Variants in PLG observed in about 807,000 individuals in gnomAD.
PLG encodes plasminogen.
A neutral mutation model predicts 104.4 loss-of-function variants in PLG; 41 were observed. The observed-to-expected ratio is 0.39, with a 90% CI of 0.31 to 0.51. PLG has a LOEUF of 0.51. PLG is among the 20% of genes least tolerant of loss of function. The pLI is 0.76. For missense variants in PLG, 891 were observed against 1,003.6 expected, an observed-to-expected ratio of 0.89 and a Z score of 1.52; for synonymous variants, 337 against 357.1, an observed-to-expected ratio of 0.94 and a Z score of 0.63.
rs1777851194 is a variant in PLG at position 160,722,518 on chromosome 6, T to A, written c.1207T>A (p.Ser403Thr). 1 of 1,613,882 alleles carries A rather than the reference T, an allele frequency of 6.2e-7. No homozygotes were observed. Among genetic ancestry groups the A allele is most frequent in the Admixed American group, 1.7e-5 (1 of 60,004 alleles). ...TTGKKCQSWS[S>T]MTPHRHQKTP... ...AGGAAAGAAGTGTCAGTCTTGGTCA[T>A]CTATGACACCACACCGGCACCAGAA... The change falls in exon 10 of 19, where the codon TCT becomes ACT. Residue 403 changes from serine to threonine, a missense_variant. Ser to Thr is a moderately conservative substitution (Grantham distance 58). Coordinates refer to ENST00000308192, the MANE Select transcript of PLG (RefSeq NM_000301.5).
chr6:160,707,922 A>C, intron 3 of PLG, 116 bp downstream of exon 3: 1 of 914,122 alleles, frequency 1.1e-6, no homozygotes, highest in Non-Finnish European at 1.8e-6. Context: ...ATCGTGTTAT[A>C]AAACTGAATT....
chr6:160,708,878 T>C (rs1479037904), intron 3 of PLG, among the ~76,000 whole-genome samples: 1 of 152,164 alleles, frequency 6.6e-6, no homozygotes, highest in Non-Finnish European at 1.5e-5. Context: ...AAAGTGCAGA[T>C]TAAATCTAAA....
chr6:160,748,366 A>AAGAGAGAGAGAG lies in PLG; in HGVS notation c.2126-3746_2126-3745insGAGAGAGAGAGA, dbSNP rs1554252951. ...GAAAAGAAAGAGAAAGAAAGAAAGA[A>AAGAGAGAGAGAG]AGAAAGAAAGAAAGAAAGAAAGAAA... On this transcript the variant is annotated intron_variant, in intron 17 of 18. Coordinates refer to ENST00000308192, the MANE Select transcript of PLG (RefSeq NM_000301.5). 3.1e-4 allele frequency among the ~76,000 whole-genome samples: 12 copies of AAGAGAGAGAGAG among 38,134 alleles called. 1 individual carries two copies. The East Asian group carries it at 0.05, about 159-fold the overall frequency. The allele number at this position is 38,134 out of a possible 152,430, so 25.0% of individuals were successfully genotyped here. A position where few individuals can be genotyped will look rare whatever the true frequency, so the allele number is the denominator to read the frequency against.
At chr6:160,716,791 G>C in intron 7 of PLG, 28 bp downstream of exon 7, 1 of 1,310,116 alleles carries the variant, frequency 7.6e-7, no homozygotes, top group Non-Finnish European at 1.1e-6. Flanking sequence ...CCAGATTCCA[G>C]GATTTGGACC....
Position 160,738,981 on chromosome 6 carries a change from T to A in PLG, c.1878-87T>A. Reference sequence around the variant, plus strand: ...CACTAATTCTGAGTGGCCAAGGGTGTCAGGGAGACAGCACCAATTTCATGG... The same window carrying A: ...CACTAATTCTGAGTGGCCAAGGGTGACAGGGAGACAGCACCAATTTCATGG... On this transcript the variant is annotated intron_variant, in intron 15 of 18. Transcript: ENST00000308192. The surrounding 1 kb of genome is among the most constrained non-coding windows in gnomAD (Gnocchi z 6.8). The A allele has an allele frequency of 6.6e-7, 1 of 1,518,218 alleles. No homozygotes were observed. Among genetic ancestry groups the A allele is most frequent in the South Asian group, 1.1e-5 (1 of 88,912 alleles). The allele number at this position is 1,518,218 out of a possible 1,614,324, so 94.0% of individuals were successfully genotyped here.
In PLG at chr6:160,739,340, G is replaced by A. The variant is rs991367630; in HGVS notation, c.2018+132G>A. On this transcript the variant is annotated intron_variant, in intron 16 of 18. Transcript: ENST00000308192. The surrounding 1 kb of genome is among the most constrained non-coding windows in gnomAD (Gnocchi z 4.4). Reference sequence around the variant, plus strand: ...TCACATGAAAGGCTCAAGGGCTTTGGGGACAGCATCAATCTTCAACCCTAG... The same window carrying A: ...TCACATGAAAGGCTCAAGGGCTTTGAGGACAGCATCAATCTTCAACCCTAG... 17 of 1,184,902 alleles carry A rather than the reference G, an allele frequency of 1.4e-5. No individual in the cohort carries two copies. In the African/African-American group the frequency reaches 2.4e-4, roughly 17 times the overall value. The allele number at this position is 1,184,902 out of a possible 1,614,324, so 73.4% of individuals were successfully genotyped here. A position where few individuals can be genotyped will look rare whatever the true frequency, so the allele number is the denominator to read the frequency against.
At chr6:160,721,731 G>A (rs1263586169) in intron 9 of PLG, among the ~76,000 whole-genome samples, 1 of 152,188 alleles carries the variant, frequency 6.6e-6, no homozygotes, top group Admixed American at 6.5e-5. Flanking sequence ...GTTGAGCACA[G>A]CTCGGCTTTG....
At chr6:160,751,740 TTG>T (rs548173188) in intron 17 of PLG, among the ~76,000 whole-genome samples, 68 of 152,206 alleles carry the variant, frequency 4.5e-4, no homozygotes, top group Non-Finnish European at 9.1e-4. Flanking sequence ...ATGTGAAATT[TTG>T]TGTTATGATG....
rs1174523821 is a variant in PLG at position 160,722,469 on chromosome 6, A to G, written c.1158A>G (p.Arg386=). ...DCYHGDGQSY[R]GTSSTTTTGK... is the part of the protein sequence containing the mutation. ...ACCATGGTGATGGACAGAGCTACCG[A>G]GGCACATCCTCCACCACCACCACAG... The change falls in exon 10 of 19, where the codon CGA becomes CGG. Residue 386 remains arginine (R), a synonymous_variant. Transcript: ENST00000308192. 3 of 1,612,742 alleles carry G rather than the reference A, an allele frequency of 1.9e-6. No individual in the cohort carries two copies. The highest frequency in any genetic ancestry group is 2.5e-6 in the Non-Finnish European group (3 of 1,178,892).
In PLG at chr6:160,734,343, C is replaced by G. The variant is rs951501591; in HGVS notation, c.1681+255C>G. ...CCCAAAGAGCAAGCTTAGAGGTAAT[C>G]TAGTCAGCCCCAGGATGGTCCCACT... On this transcript the variant is annotated intron_variant, in intron 13 of 18. Transcript: ENST00000308192. The surrounding 1 kb of genome is among the most constrained non-coding windows in gnomAD (Gnocchi z 4.4). 1.3e-5 allele frequency among the ~76,000 whole-genome samples: 2 copies of G among 152,136 alleles called. No homozygotes were observed. The highest frequency in any genetic ancestry group is 4.8e-5 in the African/African-American group (2 of 41,424).
intron 3 of PLG, among the ~76,000 whole-genome samples, chr6:160,708,945 AG>A (rs1335996258): frequency 2.6e-5 from 4 of 151,042 alleles, no homozygotes; most frequent in Admixed American, 2.6e-4. Flanking sequence ...TAAACTAAAT[AG>A]GATCACCTAA....
At chr6:160,716,585 AAG>A in intron 6 of PLG, 58 bp from the exon 7 acceptor site, 3 of 1,019,036 alleles carry the variant, frequency 2.9e-6, no homozygotes, top group Non-Finnish European at 4.7e-6. Context: ...GCTCTTGAAA[AAG>A]AGTCTTATCC....
At position 160,707,771 on chromosome 6, in the gene PLG, T is replaced by C; in HGVS notation, c.257T>C (p.Ile86Thr). The change falls in exon 3 of 19, where the codon ATT becomes ACT. Residue 86 changes from isoleucine (I) to threonine (T), a missense_variant. This residue lies in a region of PLG where 854 missense variants were observed against 932.1 expected (regional missense o/e 0.92). Transcript: ENST00000308192. The stretch of plus-strand genomic sequence containing the variant: ...GAAAACAGGAAGTCCTCCATAATCA[T>C]TAGGATGAGAGATGTAGTTTTATTT... Reference protein sequence around the residue: ...MAENRKSSIIIRMRDVVLFEK... With the variant: ...MAENRKSSIITRMRDVVLFEK... The C allele has an allele frequency of 1.9e-6, 3 of 1,611,532 alleles. No individual in the cohort carries two copies. Among genetic ancestry groups the C allele is most frequent in the Non-Finnish European group, 2.5e-6 (3 of 1,179,430 alleles).
In PLG at chr6:160,732,407, A is replaced by G. The variant is rs751513516; in HGVS notation, c.1587+514A>G. 1.6e-4 allele frequency among the ~76,000 whole-genome samples: 25 copies of G among 152,184 alleles called. No individual in the cohort carries two copies. The highest frequency in any genetic ancestry group is 3.2e-4 in the Non-Finnish European group (22 of 68,034). ...TGTTCCCCCACTCTCACACCCATGC[A>G]GCATAACACTTCTCACACCAGATGT... is the stretch of plus-strand genomic sequence containing the variant. On this transcript the variant is annotated intron_variant, in intron 12 of 18. Transcript: ENST00000308192. This position sits in a 1 kb window ranked among gnomAD's most constrained non-coding sequence, Gnocchi z 4.5.
chr6:160,716,485 T>A (rs1302890691), intron 6 of PLG, among the ~76,000 whole-genome samples, 160 bp from the exon 7 acceptor site: 1 of 152,150 alleles, frequency 6.6e-6, no homozygotes, highest in Admixed American at 6.5e-5. Flanking sequence ...GCCAACCTTG[T>A]TTCCTTGTTG....
Position 160,735,027 on chromosome 6 carries a change from G to T in PLG, c.1681+939G>T, listed in dbSNP as rs766763962. The stretch of plus-strand genomic sequence containing the variant: ...GCCACACTGCCCAGCTTCGCATTTG[G>T]GCTTCTCCTAGGGACACCAAGAGGG... On this transcript the variant is annotated intron_variant, in intron 13 of 18. Coordinates refer to ENST00000308192, the MANE Select transcript of PLG (RefSeq NM_000301.5). This position sits in a 1 kb window ranked among gnomAD's most constrained non-coding sequence, Gnocchi z 5.4. 6.9e-6 allele frequency among the ~76,000 whole-genome samples: 1 copy of T among 145,596 alleles called. No individual in the cohort carries two copies. The highest frequency in any genetic ancestry group is 1.9e-4 in the East Asian group (1 of 5,176).
intron 17 of PLG, among the ~76,000 whole-genome samples, chr6:160,748,447 G>GAAAGAAAGAGAATGAAAGAAA (rs1491160827): frequency 2.8e-5 from 1 of 36,020 alleles, no homozygotes; most frequent in African/African-American, 1.3e-4. Flanking sequence ...AAAGAAGGGA[G>GAAAGAAAGAGAATGAAAGAAA]GGAGGGAGGG....
chr6:160,738,459 G>T lies in PLG; in HGVS notation c.1803-79G>T. 3.4e-6 allele frequency: 3 copies of T among 883,816 alleles called. No individual in the cohort carries two copies. Among genetic ancestry groups the T allele is most frequent in the Non-Finnish European group, 5.8e-6 (3 of 513,738 alleles). 54.7% of individuals were successfully genotyped at this position (883,816 alleles called of 1,614,324 possible). A position where few individuals can be genotyped will look rare whatever the true frequency, so the allele number is the denominator to read the frequency against. On this transcript the variant is annotated intron_variant, in intron 14 of 18. Coordinates refer to ENST00000308192, the MANE Select transcript of PLG (RefSeq NM_000301.5). This position sits in a 1 kb window ranked among gnomAD's most constrained non-coding sequence, Gnocchi z 6.8. ...TGAACATGGTCAAAATTAAGTGAAC[G>T]TGTCTTTCTGGCTTTCTGTACAATG...
At chr6:160,730,958 G>C in intron 10 of PLG, 93 bp from the exon 11 acceptor site, 1 of 1,279,382 alleles carries the variant, frequency 7.8e-7, no homozygotes, top group Non-Finnish European at 1.1e-6. Context: ...AAAGCCACTT[G>C]TTAACACTTT....
Sources: allele counts gnomAD v4.1 joint callset (sites outside exome capture counted in the v4.1 genomes callset), GRCh38; gene constraint gnomAD v4.1.1; regional missense constraint gnomAD v4.1.1; non-coding constraint Gnocchi (gnomAD v3.1); transcripts MANE v1.5; gene names NCBI Gene and HGNC (gene_info 2026-07-23, HGNC 2026-07-21).